GMDS: variants seen among roughly 807,000 people sequenced by gnomAD.
The protein encoded by GMDS is GDP-mannose 4,6 dehydratase.
A neutral mutation model predicts 49.9 loss-of-function variants in GMDS; 20 were observed. The observed-to-expected ratio is 0.40, with a 90% CI of 0.28 to 0.58. The LOEUF (loss-of-function observed/expected upper bound fraction) is 0.58. Among genes scored for constraint, GMDS ranks in the 20% least tolerant of loss-of-function variants. GMDS has a pLI of 0.42. For synonymous variants in GMDS, 177 were observed against 178.6 expected, an observed-to-expected ratio of 0.99 and a Z score of 0.07; for missense variants, 362 against 481.4, an observed-to-expected ratio of 0.75 and a Z score of 2.32.
At chr6:2,115,328 A>T (rs542524468) in intron 4 of GMDS, among the ~76,000 whole-genome samples, 69 of 152,360 alleles carry the variant, frequency 4.5e-4, no homozygotes, top group African/African-American at 1.6e-3. Context: ...AAGTTAATTC[A>T]GCTAATTTTA....
At chr6:2,107,927 T>A (rs1297353238) in intron 4 of GMDS, among the ~76,000 whole-genome samples, 1 of 152,258 alleles carries the variant, frequency 6.6e-6, no homozygotes, top group Non-Finnish European at 1.5e-5. Flanking sequence ...CTTTATTATT[T>A]GAACATTCAT....
At chr6:1,652,775 T>A in intron 9 of GMDS, among the ~76,000 whole-genome samples, 1 of 109,024 alleles carries the variant, frequency 9.2e-6, no homozygotes, top group Non-Finnish European at 1.8e-5. Flanking sequence ...GACAGACACC[T>A]TAATAAACTG....
At chr6:1,898,994 A>T (rs923896269) in intron 7 of GMDS, among the ~76,000 whole-genome samples, 1 of 152,264 alleles carries the variant, frequency 6.6e-6, no homozygotes, top group African/African-American at 2.4e-5. Flanking sequence ...TAATGTACAT[A>T]ACAGTGCTTC....
chr6:1,812,889 T>G (rs1270750424), intron 7 of GMDS, among the ~76,000 whole-genome samples: 1 of 152,212 alleles, frequency 6.6e-6, no homozygotes, highest in Non-Finnish European at 1.5e-5. Flanking sequence ...TTAGTGCTTT[T>G]ATTGCTTTAT....
chr6:1,888,574 C>A (rs1759725799), intron 7 of GMDS, among the ~76,000 whole-genome samples: 2 of 152,138 alleles, frequency 1.3e-5, no homozygotes, highest in Admixed American at 1.3e-4. Flanking sequence ...GAACACAAAG[C>A]CTAACCATAT....
intron 8 of GMDS, among the ~76,000 whole-genome samples, chr6:1,727,011 A>G (rs146383900): frequency 1.1e-3 from 167 of 152,248 alleles, no homozygotes; most frequent in African/African-American, 3.9e-3. Context: ...TAACCATTCA[A>G]TGCATCCCTG....
intron 7 of GMDS, among the ~76,000 whole-genome samples, chr6:1,757,835 T>C (rs563289508): frequency 1.3e-5 from 2 of 152,386 alleles, no homozygotes; most frequent in East Asian, 3.9e-4. Context: ...TAAAATTTTC[T>C]ATCAGTTGCA....
chr6:1,630,853 C>T (rs1488704236), intron 9 of GMDS, among the ~76,000 whole-genome samples: 1 of 152,124 alleles, frequency 6.6e-6, no homozygotes, highest in East Asian at 1.9e-4. Flanking sequence ...GGTTAGTTCA[C>T]TGATCTCCAC....
intron 4 of GMDS, among the ~76,000 whole-genome samples, chr6:1,995,499 G>C (rs573155279): frequency 1.6e-4 from 21 of 127,774 alleles, no homozygotes; most frequent in Admixed American, 6.8e-4. Flanking sequence ...TTGTCTCAGA[G>C]AGAACATCAA....
At chr6:2,227,589 G>C (rs1780873875) in intron 1 of GMDS, among the ~76,000 whole-genome samples, 1 of 152,204 alleles carries the variant, frequency 6.6e-6, no homozygotes, top group Non-Finnish European at 1.5e-5. Context: ...GAGTGACTGT[G>C]GAAAAGGCAA....
rs1432402916 is a variant in GMDS at position 1,836,382 on chromosome 6, C to T, written c.771+93721G>A. ...TGTTACCACGTCACCATCAACTAAGCAACTGCTACGCTATTTCACTAAACT... is the reference window on the plus strand; with the variant it reads ...TGTTACCACGTCACCATCAACTAAGTAACTGCTACGCTATTTCACTAAACT... On this transcript the variant is annotated intron_variant, in intron 7 of 10. Coordinates refer to ENST00000380815, the MANE Select transcript of GMDS (RefSeq NM_001500.4). This position sits in a 1 kb window ranked among gnomAD's most constrained non-coding sequence, Gnocchi z 4.2. 2.0e-5 allele frequency among the ~76,000 whole-genome samples: 3 copies of T among 152,156 alleles called. No individual in the cohort carries two copies. Among genetic ancestry groups the T allele is most frequent in the Non-Finnish European group, 2.9e-5 (2 of 68,032 alleles).
At chr6:2,214,862 T>C (rs1425998008) in intron 1 of GMDS, among the ~76,000 whole-genome samples, 4 of 152,278 alleles carry the variant, frequency 2.6e-5, no homozygotes, top group Non-Finnish European at 1.5e-5. Flanking sequence ...AAGAAAAAAC[T>C]ACAGAATTAG....
intron 7 of GMDS, among the ~76,000 whole-genome samples, chr6:1,774,864 G>C (rs867312825): frequency 1.4e-4 from 22 of 152,196 alleles, no homozygotes; most frequent in African/African-American, 5.3e-4. Flanking sequence ...AGGGAACTGA[G>C]TTTCAGAGAG....
intron 9 of GMDS, among the ~76,000 whole-genome samples, chr6:1,716,588 G>A (rs777033544): frequency 1.3e-5 from 2 of 152,200 alleles, no homozygotes; most frequent in African/African-American, 2.4e-5. Flanking sequence ...GTGGCCTGCT[G>A]GCTGCGTGAG....
intron 9 of GMDS, among the ~76,000 whole-genome samples, chr6:1,652,821 C>T (rs1763757008): frequency 7.6e-6 from 1 of 131,908 alleles, no homozygotes; most frequent in Non-Finnish European, 1.5e-5. Context: ...CTGAGGTCTC[C>T]CTCCTGTCCG....
rs145484975 is a variant in GMDS, at chr6:2,228,816, C to G, written c.102+16505G>C. Among the ~76,000 whole-genome samples the G allele has an allele frequency of 3.5e-4, 53 of 152,292 alleles. 1 individual carries two copies. In the South Asian group the frequency reaches 8.9e-3, roughly 26 times the overall value. On this transcript the variant is annotated intron_variant, in intron 1 of 10. Coordinates refer to ENST00000380815, the MANE Select transcript of GMDS (RefSeq NM_001500.4). The stretch of plus-strand genomic sequence containing the variant: ...GCCCCTGGAATTAGCCCCAATACCC[C>G]CCGTTGACAGCTTCAACAAGTGGGA...
At chr6:1,917,087 T>C (rs1483414125) in intron 7 of GMDS, among the ~76,000 whole-genome samples, 1 of 152,188 alleles carries the variant, frequency 6.6e-6, no homozygotes, top group African/African-American at 2.4e-5. Context: ...TCACACTCAG[T>C]TCCTCACACT....
intron 7 of GMDS, among the ~76,000 whole-genome samples, chr6:1,896,625 G>A (rs144274304): frequency 1.4e-3 from 207 of 152,218 alleles, no homozygotes; most frequent in African/African-American, 4.6e-3. Context: ...CATGTGAGGC[G>A]GGAGCAGAGT....
chr6:2,088,304 C>T lies in GMDS; in HGVS notation c.345+27467G>A, dbSNP rs563972493. Among the ~76,000 whole-genome samples, 6 of 152,088 alleles carry T rather than the reference C, an allele frequency of 3.9e-5. No homozygotes were observed. In the East Asian group the frequency reaches 5.8e-4, roughly 15 times the overall value. ...GCTTCCAGAAATGATCTAAGTGATT[C>T]GTTTGCAAAAAGAAAGGCTAGCTAG... On this transcript the variant is annotated intron_variant, in intron 4 of 10. Transcript: ENST00000380815.
Sources: allele counts gnomAD v4.1 joint callset (sites outside exome capture counted in the v4.1 genomes callset), GRCh38; gene constraint gnomAD v4.1.1; non-coding constraint Gnocchi (gnomAD v3.1); transcripts MANE v1.5; gene names NCBI Gene and HGNC (gene_info 2026-07-23, HGNC 2026-07-21).